The following MYOF variants were observed in gnomAD, a reference collection of about 807,000 sequenced individuals.
MYOF encodes the protein fer-1-like 3, myoferlin.
Under a neutral mutation model 284.2 loss-of-function variants are expected in MYOF, and 244 were observed. That is an observed-to-expected ratio of 0.86 (90% confidence interval 0.77 to 0.95). The LOEUF (loss-of-function observed/expected upper bound fraction) is 0.95, where lower values mean the gene tolerates loss of function less well. Among genes scored for constraint, MYOF ranks in the 40% least tolerant of loss-of-function variants. The probability of loss-of-function intolerance (pLI) is 0.00; values close to 1 mark genes in which losing one functional copy is unlikely to be tolerated. For missense variants in MYOF, 2,496 were observed against 2,560.6 expected (o/e 0.97, Z 0.54); for synonymous variants, 904 against 919.7 (o/e 0.98, Z 0.31).
chr10:93,330,728 T>C (rs1178213151), intron 43 of MYOF, among the ~76,000 whole-genome samples: 1 of 152,174 alleles, frequency 6.6e-6, no homozygotes, highest in Admixed American at 6.5e-5. Flanking sequence ...AGGTGCTCAA[T>C]ATGTTCTATT....
chr10:93,406,562 C>CT (rs1355933995), intron 7 of MYOF, among the ~76,000 whole-genome samples: 1 of 20,566 alleles, frequency 4.9e-5, no homozygotes, highest in Admixed American at 8.6e-4. Context: ...ATCTTGCCTC[C>CT]TCCCCACCCA....
intron 12 of MYOF, among the ~76,000 whole-genome samples, chr10:93,400,347 T>C (rs1341677337): frequency 6.8e-6 from 1 of 147,798 alleles, no homozygotes; most frequent in African/African-American, 2.5e-5. Context: ...TTTTTTTAAA[T>C]AGAGACAGTA....
At chr10:93,403,906 T>C in intron 9 of MYOF, 117 bp downstream of exon 9, 1 of 1,101,806 alleles carries the variant, frequency 9.1e-7, no homozygotes, top group Non-Finnish European at 1.4e-6. Context: ...AGTGTCATCA[T>C]GCTGAACCCT....
intron 1 of MYOF, among the ~76,000 whole-genome samples, chr10:93,465,088 C>T (rs1056465841): frequency 6.6e-6 from 1 of 152,176 alleles, no homozygotes; most frequent in African/African-American, 2.4e-5. Flanking sequence ...TTAATCTTCA[C>T]AACTCTAACA....
At chr10:93,451,030 A>G (rs1318874270) in intron 3 of MYOF, among the ~76,000 whole-genome samples, 1 of 152,190 alleles carries the variant, frequency 6.6e-6, no homozygotes, top group African/African-American at 2.4e-5. Context: ...GAAAATAAGC[A>G]GGTATTCTGG....
chr10:93,393,851 A>G (rs1399754551), intron 16 of MYOF, among the ~76,000 whole-genome samples: 1 of 152,220 alleles, frequency 6.6e-6, no homozygotes, highest in Non-Finnish European at 1.5e-5. Flanking sequence ...GATGACATCT[A>G]CACTTTGTTC....
At chr10:93,388,459 A>G (rs1846508079) in intron 18 of MYOF, among the ~76,000 whole-genome samples, 1 of 152,204 alleles carries the variant, frequency 6.6e-6, no homozygotes, top group Non-Finnish European at 1.5e-5. Flanking sequence ...TTCTCCCACC[A>G]TACCCAGCAG....
chr10:93,320,521 T>C (rs1842804293), intron 48 of MYOF, among the ~76,000 whole-genome samples: 1 of 152,206 alleles, frequency 6.6e-6, no homozygotes, highest in South Asian at 2.1e-4. Flanking sequence ...AAATTCACTA[T>C]GATAATATTA....
chr10:93,371,615 G>A lies in MYOF; in HGVS notation c.2457+1315C>T, dbSNP rs544805015. Among the ~76,000 whole-genome samples the A allele has an allele frequency of 1.2e-4, 19 of 152,002 alleles. No individual in the cohort carries two copies. The East Asian group carries it at 1.9e-3, about 15-fold the overall frequency. On this transcript the variant is annotated intron_variant, in intron 24 of 53. Transcript: ENST00000359263. ...AATTGATGTAATTTATGTTAGTAAC[G>A]GGTTATTGTTACAGTTAAATCAATA...
At chr10:93,325,359 G>A (rs1304280516) in intron 46 of MYOF, among the ~76,000 whole-genome samples, 1 of 152,148 alleles carries the variant, frequency 6.6e-6, no homozygotes, top group Admixed American at 6.5e-5. Context: ...CTCCTGAACC[G>A]GGCCGAGCTC....
intron 1 of MYOF, among the ~76,000 whole-genome samples, chr10:93,480,422 T>C (rs1410848292): frequency 6.6e-6 from 1 of 151,470 alleles, no homozygotes; most frequent in African/African-American, 2.4e-5. Flanking sequence ...TAAATCCAAT[T>C]TTTGCCCTTT....
chr10:93,373,071 C>T lies in MYOF; in HGVS notation c.2316G>A (p.Met772Ile). 1.2e-6 allele frequency: 2 copies of T among 1,614,182 alleles called. No homozygotes were observed. Among genetic ancestry groups the T allele is most frequent in the East Asian group, 2.2e-5 (1 of 44,888 alleles). Residue 772 changes from methionine to isoleucine, a missense_variant, in exon 24 of 54, where the codon ATG (methionine) becomes ATA (isoleucine). Met to Ile is a conservative substitution (Grantham distance 10). Transcript: ENST00000359263. ...GGATCATCCAGATGATGATGTCAGG[C>T]ATGCTGTTCTGTGGCTGGTCATGAG... ...MQLTEEPQNS[M>I]PDIIIWMIRG...
At chr10:93,463,506 T>C (rs2056932157) in intron 1 of MYOF, among the ~76,000 whole-genome samples, 1 of 149,544 alleles carries the variant, frequency 6.7e-6, no homozygotes. Flanking sequence ...TTCAAGTGAT[T>C]CTCCTGCCTC....
At position 93,310,086 on chromosome 10, in the gene MYOF, G is replaced by A; in HGVS notation, c.6081C>T (p.Val2027=). 6.2e-7 allele frequency: 1 copy of A among 1,614,138 alleles called. No homozygotes were observed. Among genetic ancestry groups the A allele is most frequent in the Non-Finnish European group, 8.5e-7 (1 of 1,180,036 alleles). ...KFIVWRRFKW[V]IIGLLFLLIL... is the part of the protein sequence containing the mutation. ...TAAGCAGGAACAGCAAGCCGATGAT[G>A]ACCCACTTAAAGCGGCGCCACACGA... The change falls in exon 53 of 54, where the codon GTC becomes GTT. Residue 2027 remains valine, a synonymous_variant. Transcript: ENST00000359263.
chr10:93,404,281 A>T, intron 7 of MYOF, 62 bp from the exon 8 acceptor site: 1 of 1,566,056 alleles, frequency 6.4e-7, no homozygotes, highest in Non-Finnish European at 8.7e-7. Context: ...GGGGAATCTG[A>T]TACTATAATT....
chr10:93,326,100 T>G, intron 45 of MYOF, 135 bp from the exon 46 acceptor site: 7 of 1,157,460 alleles, frequency 6.0e-6, no homozygotes, highest in Non-Finnish European at 8.7e-6. Flanking sequence ...AAACTTTGAC[T>G]TGTGAAGGAA....
chr10:93,425,868 C>G, intron 5 of MYOF: 1 of 594,004 alleles, frequency 1.7e-6, no homozygotes, highest in African/African-American at 1.9e-5. Flanking sequence ...TTGGTTCACC[C>G]TTCCCCTCTA....
chr10:93,469,815 C>T (rs1308323565), intron 1 of MYOF, among the ~76,000 whole-genome samples: 2 of 152,234 alleles, frequency 1.3e-5, no homozygotes, highest in African/African-American at 4.8e-5. Context: ...TCCAGCTCCA[C>T]CTAGACCCTG....
Position 93,366,429 on chromosome 10 carries a change from C to T in MYOF, c.2716G>A (p.Glu906Lys). 2 of 1,614,000 alleles carry T rather than the reference C, an allele frequency of 1.2e-6. No homozygotes were observed. Among genetic ancestry groups the T allele is most frequent in the South Asian group, 2.2e-5 (2 of 91,058 alleles). ...REFFLPPKGWEWEGEWIVDPE... is the reference protein window; with the variant it reads ...REFFLPPKGWKWEGEWIVDPE... ...TCAACTATCCACTCTCCTTCCCATTCCCAGCCTTTTGGAGGCAGAAAAAAT... is the reference window on the plus strand; with the variant it reads ...TCAACTATCCACTCTCCTTCCCATTTCCAGCCTTTTGGAGGCAGAAAAAAT... Residue 906 changes from glutamate (E) to lysine (K), a missense_variant, in exon 26 of 54, where the codon GAA becomes AAA. Coordinates refer to ENST00000359263, the MANE Select transcript of MYOF (RefSeq NM_013451.4).
Sources: allele counts gnomAD v4.1 joint callset (sites outside exome capture counted in the v4.1 genomes callset), GRCh38; gene constraint gnomAD v4.1.1; transcripts MANE v1.5; gene names NCBI Gene and HGNC (gene_info 2026-07-23, HGNC 2026-07-21).